The following KIAA1549 variants were observed in gnomAD, a reference collection of about 807,000 sequenced individuals.
KIAA1549 encodes the protein UPF0606 protein KIAA1549.
In KIAA1549, 70 loss-of-function variants were observed where a neutral mutation model predicts 156.4. The ratio of observed to expected loss-of-function variants is 0.45; its 90% CI spans 0.37 to 0.55. KIAA1549 has a LOEUF of 0.55. KIAA1549 is among the 20% of genes least tolerant of loss of function. The pLI, the probability that KIAA1549 is intolerant of heterozygous loss-of-function variation, is 0.00. For missense variants in KIAA1549, 2,428 were observed against 2,540.9 expected (o/e 0.96, Z 0.96); for synonymous variants, 1,103 against 1,066.4 (o/e 1.03, Z -0.67).
chr7:138,880,163 T>G (rs147992541), intron 11 of KIAA1549, among the ~76,000 whole-genome samples: 1 of 152,316 alleles, frequency 6.6e-6, no homozygotes, highest in Non-Finnish European at 1.5e-5. Context: ...GCACCCAGCT[T>G]GCACCAGGGA....
intron 17 of KIAA1549, among the ~76,000 whole-genome samples, chr7:138,845,852 G>C (rs542978402): frequency 1.3e-5 from 2 of 152,236 alleles, no homozygotes; most frequent in Non-Finnish European, 1.5e-5. Flanking sequence ...TTCTTGAAGT[G>C]ACAGGCTCAC....
intron 1 of KIAA1549, among the ~76,000 whole-genome samples, chr7:138,942,908 CAA>C (rs34506092): frequency 2.4e-4 from 34 of 138,802 alleles, no homozygotes; most frequent in East Asian, 4.3e-4. Context: ...GACTCCGTCT[CAA>C]AAAAAAAAAA....
chr7:138,891,623 T>A (rs754796711), intron 10 of KIAA1549, among the ~76,000 whole-genome samples: 7 of 152,204 alleles, frequency 4.6e-5, no homozygotes, highest in Non-Finnish European at 8.8e-5. Flanking sequence ...GGTTTCCTTC[T>A]CGTTACGAGG....
chr7:138,915,391 T>A (rs1211415458), intron 2 of KIAA1549, among the ~76,000 whole-genome samples: 1 of 152,046 alleles, frequency 6.6e-6, no homozygotes, highest in African/African-American at 2.4e-5. Context: ...ACCTCACACA[T>A]ACTAGGTGCT....
chr7:138,853,526 G>C (rs1012654567), intron 16 of KIAA1549, among the ~76,000 whole-genome samples: 4 of 152,200 alleles, frequency 2.6e-5, no homozygotes, highest in African/African-American at 9.7e-5. Flanking sequence ...GAGTCACACA[G>C]ACTGGCTTAA....
chr7:138,868,229 C>CAGGGGTAGCACAT, intron 14 of KIAA1549, 101 bp from the exon 15 acceptor site: 1 of 1,139,324 alleles, frequency 8.8e-7, no homozygotes, highest in Non-Finnish European at 1.3e-6. Flanking sequence ...GATGTGCTAC[C>CAGGGGTAGCACAT]CCTGGAAACA....
rs572736047 is a variant in KIAA1549 at position 138,875,347 on chromosome 7, TAAAA to T, written c.4346-3989_4346-3986del. 3.7e-4 allele frequency among the ~76,000 whole-genome samples: 56 copies of T among 152,178 alleles called. 1 individual carries two copies. In the South Asian group the frequency reaches 0.01, roughly 28 times the overall value. On this transcript the variant is annotated intron_variant, in intron 12 of 19. Coordinates refer to ENST00000422774, the MANE Select transcript of KIAA1549 (RefSeq NM_001164665.2). ...TCAGTTAAAATACAAATAAAAATCT[TAAAA>T]AGAAAGAAAAACGCTGGGCATAGTG...
At chr7:138,950,873 G>A (rs752384326) in intron 1 of KIAA1549, among the ~76,000 whole-genome samples, 2 of 147,946 alleles carry the variant, frequency 1.4e-5, no homozygotes, top group Non-Finnish European at 3.0e-5. Context: ...CGACCACCTC[G>A]CCACACTTTC....
rs1035708245 is a variant in KIAA1549, at chr7:138,856,036, A to T, written c.5248-3767T>A. ...CATTTCTTTTTTTATTATTTATTTTATTTTTTTTTTTTTGAGACAGAGTCT... is the reference window on the plus strand; with the variant it reads ...CATTTCTTTTTTTATTATTTATTTTTTTTTTTTTTTTTTGAGACAGAGTCT... On this transcript the variant is annotated intron_variant, in intron 16 of 19. Coordinates refer to ENST00000422774, the MANE Select transcript of KIAA1549 (RefSeq NM_001164665.2). 5.6e-3 allele frequency among the ~76,000 whole-genome samples: 801 copies of T among 141,778 alleles called. 4 individuals are homozygous for T. The highest frequency in any genetic ancestry group is 0.019 in the African/African-American group (737 of 38,482). 93.0% of individuals were successfully genotyped at this position (141,778 alleles called of 152,430 possible).
chr7:138,942,300 C>A (rs1271012656), intron 1 of KIAA1549, among the ~76,000 whole-genome samples: 1 of 152,072 alleles, frequency 6.6e-6, no homozygotes, highest in Admixed American at 6.6e-5. Context: ...GTATTAAAAA[C>A]CACTTCCCAA....
chr7:138,854,151 T>A (rs2130352972), intron 16 of KIAA1549, among the ~76,000 whole-genome samples: 1 of 152,312 alleles, frequency 6.6e-6, no homozygotes, highest in African/African-American at 2.4e-5. Flanking sequence ...GGAAACAAAA[T>A]TGCATTTGAA....
chr7:138,972,290 T>C (rs1480234399), intron 1 of KIAA1549, among the ~76,000 whole-genome samples: 1 of 152,110 alleles, frequency 6.6e-6, no homozygotes, highest in Non-Finnish European at 1.5e-5. Flanking sequence ...CACCCTACCC[T>C]GTTCATTACC....
In KIAA1549 at chr7:138,907,005, C is replaced by A. The variant is rs751027510; in HGVS notation, c.3374G>T (p.Gly1125Val). The A allele has an allele frequency of 6.2e-7, 1 of 1,613,666 alleles. No individual in the cohort carries two copies. The highest frequency in any genetic ancestry group is 1.1e-5 in the South Asian group (1 of 91,036). The change falls in exon 6 of 20, where the codon GGG (glycine) becomes GTG (valine). Residue 1125 changes from glycine to valine, a missense_variant. Physicochemically the swap from Gly to Val is moderately radical, Grantham distance 109. This residue lies in a region of KIAA1549 where 762 missense variants were observed against 901.6 expected (regional missense o/e 0.85). Transcript: ENST00000422774. ...AVKSTQGFLN[G>V]SEVSELLRNL... ...TCTGAGCAGCTCGCTCACTTCCGAC[C>A]CATTCAAAAATCCCTGTGTGCTTTT...
chr7:138,913,120 T>A (rs1164234049), intron 2 of KIAA1549, among the ~76,000 whole-genome samples: 1 of 152,166 alleles, frequency 6.6e-6, no homozygotes, highest in Non-Finnish European at 1.5e-5. Context: ...GTGACCCACC[T>A]GCCTCAGCCT....
At chr7:138,895,808 C>CTAAGT (rs1811668462) in intron 9 of KIAA1549, among the ~76,000 whole-genome samples, 1 of 152,052 alleles carries the variant, frequency 6.6e-6, no homozygotes, top group African/African-American at 2.4e-5. Flanking sequence ...TCCTAATAAG[C>CTAAGT]GTCCCATAGG....
chr7:138,969,432 G>T (rs904716574), intron 1 of KIAA1549, among the ~76,000 whole-genome samples: 1 of 152,156 alleles, frequency 6.6e-6, no homozygotes, highest in Non-Finnish European at 1.5e-5. Context: ...CGTCTTTGAG[G>T]TTCATCCATG....
Position 138,838,159 on chromosome 7 carries a change from G to A in KIAA1549, c.5600C>T (p.Thr1867Ile). The A allele has an allele frequency of 6.8e-7, 1 of 1,463,266 alleles. No homozygotes were observed. Among genetic ancestry groups the A allele is most frequent in the Non-Finnish European group, 9.0e-7 (1 of 1,113,554 alleles). 90.6% of individuals were successfully genotyped at this position (1,463,266 alleles called of 1,614,324 possible). Residue 1867 changes from threonine (T) to isoleucine (I), a missense_variant and splice_region_variant, in exon 20 of 20, where the codon ACA becomes ATA. By Grantham distance (89) the Thr-to-Ile change is moderately conservative. Transcript: ENST00000422774. ...GEDEAGRREA[T>I]HMLGHQEYSS... ...ATACTCTTGATGTCCGAGCATGTGT[G>A]TCTGAAAAACATGGCAAACGTCACT...
intron 16 of KIAA1549, among the ~76,000 whole-genome samples, chr7:138,852,706 T>C (rs1428069755): frequency 6.6e-6 from 1 of 152,242 alleles, no homozygotes; most frequent in African/African-American, 2.4e-5. Context: ...CGAGACCCAG[T>C]GGCTGCCCAG....
intron 1 of KIAA1549, among the ~76,000 whole-genome samples, chr7:138,953,652 A>G (rs549131281): frequency 7.6e-4 from 116 of 152,326 alleles, no homozygotes; most frequent in Non-Finnish European, 1.5e-3. Context: ...AGGGAAAGCT[A>G]TGTGATCCAT....
Sources: allele counts gnomAD v4.1 joint callset (sites outside exome capture counted in the v4.1 genomes callset), GRCh38; gene constraint gnomAD v4.1.1; regional missense constraint gnomAD v4.1.1; transcripts MANE v1.5; gene names NCBI Gene and HGNC (gene_info 2026-07-23, HGNC 2026-07-21).